ZNF84: variants seen among roughly 807,000 people sequenced by gnomAD.
ZNF84 encodes the protein zinc finger protein 84, also known as zinc finger protein HPF2.
A neutral mutation model predicts 14.8 loss-of-function variants in ZNF84; 12 were observed. The ratio of observed to expected loss-of-function variants is 0.81; its 90% CI spans 0.52 to 1.31. The LOEUF (loss-of-function observed/expected upper bound fraction) is 1.31. Among genes scored for constraint, ZNF84 ranks in the 50% most tolerant of loss-of-function variants. ZNF84 has a pLI of 0.00. For missense variants in ZNF84, 859 were observed against 878.6 expected (o/e 0.98, Z 0.28); for synonymous variants, 347 against 291.1 (o/e 1.19, Z -1.96).
intron 1 of ZNF84, 26 bp from the exon 2 acceptor site, chr12:133,041,252 C>T: frequency 1.8e-6 from 1 of 552,220 alleles, no homozygotes. Flanking sequence ...TGTGAATATA[C>T]CAGTTGAAGT....
chr12:133,039,852 ATT>A (rs55688719), intron 1 of ZNF84, among the ~76,000 whole-genome samples: 10 of 142,332 alleles, frequency 7.0e-5, no homozygotes, highest in Non-Finnish European at 7.7e-5. Context: ...GTTGGTTTGG[ATT>A]TTTTTTTTTT....
intron 2 of ZNF84, 62 bp downstream of exon 2, chr12:133,041,544 C>T (rs1046344216): frequency 1.7e-5 from 26 of 1,547,002 alleles, no homozygotes; most frequent in Non-Finnish European, 2.1e-5. Context: ...ATAAGCCTTC[C>T]GGTGAAAAAG....
chr12:133,052,481 A>C (rs1954088272), intron 4 of ZNF84, among the ~76,000 whole-genome samples: 1 of 152,132 alleles, frequency 6.6e-6, no homozygotes, highest in Non-Finnish European at 1.5e-5. Context: ...GGTGTGCAGC[A>C]CCACACCTGG....
In ZNF84 at chr12:133,063,190, G is replaced by T; in HGVS notation, c.*4258G>T. The stretch of plus-strand genomic sequence containing the variant: ...AGTCCCGATTGTGTTCCAGTACCTG[G>T]TTCTTCTGGTCTTCATGTTCAGGTC... On this transcript the variant is annotated 3_prime_UTR_variant, in exon 5 of 5. Coordinates refer to ENST00000539354, the MANE Select transcript of ZNF84 (RefSeq NM_001289971.2). 1 of 702,372 alleles carries T rather than the reference G, an allele frequency of 1.4e-6. No homozygotes were observed. Among genetic ancestry groups the T allele is most frequent in the Non-Finnish European group, 2.6e-6 (1 of 384,840 alleles). 43.5% of individuals were successfully genotyped at this position (702,372 alleles called of 1,614,324 possible).
Position 133,060,805 on chromosome 12 carries a change from A to T in ZNF84, c.*1873A>T, listed in dbSNP as rs1253133721. 1 of 152,220 alleles carries T rather than the reference A, an allele frequency of 6.6e-6. No individual in the cohort carries two copies. Among genetic ancestry groups the T allele is most frequent in the Non-Finnish European group, 1.5e-5 (1 of 68,036 alleles). 9.4% of individuals were successfully genotyped at this position (152,220 alleles called of 1,614,324 possible). A position where few individuals can be genotyped will look rare whatever the true frequency, so the allele number is the denominator to read the frequency against. On this transcript the variant is annotated 3_prime_UTR_variant, in exon 5 of 5. Transcript: ENST00000539354. The stretch of plus-strand genomic sequence containing the variant: ...TATATATTTCCATAAAAATGCATGA[A>T]CCATCCCTTAGCTAAGTAAGGATTT...
In ZNF84 at chr12:133,057,473, A is replaced by C; in HGVS notation, c.758A>C (p.His253Pro). 1 of 1,614,260 alleles carries C rather than the reference A, an allele frequency of 6.2e-7. No homozygotes were observed. The highest frequency in any genetic ancestry group is 8.5e-7 in the Non-Finnish European group (1 of 1,180,048). ...TFPQKSQFIT[H>P]HRTHTGEKPY... ...CCCCAGAAGTCTCAGTTTATTACAC[A>C]TCACAGAACTCATACAGGAGAAAAA... Residue 253 changes from histidine to proline, a missense_variant, in exon 5 of 5, where the codon CAT (histidine) becomes CCT (proline). His to Pro is a moderately conservative substitution (Grantham distance 77). Transcript: ENST00000539354.
At chr12:133,054,835 T>C (rs1358282900) in intron 4 of ZNF84, among the ~76,000 whole-genome samples, 1 of 152,156 alleles carries the variant, frequency 6.6e-6, no homozygotes, top group Non-Finnish European at 1.5e-5. Context: ...GTTTAATGGC[T>C]TAGAATAGTA....
chr12:133,049,317 G>A (rs1954035950), intron 4 of ZNF84, among the ~76,000 whole-genome samples: 1 of 151,852 alleles, frequency 6.6e-6, no homozygotes, highest in Non-Finnish European at 1.5e-5. Flanking sequence ...TTCAGTTTGG[G>A]TTCTCTGATG....
In ZNF84 at chr12:133,058,328, C is replaced by T. The variant is rs1273327758; in HGVS notation, c.1613C>T (p.Thr538Ile). ...SHLISHQRTH[T>I]GEKPYECSEC... ...CTCATATCACATCAGAGGACACATA[C>T]AGGGGAGAAACCCTATGAATGCAGT... Residue 538 changes from threonine to isoleucine, a missense_variant, in exon 5 of 5, where the codon ACA (threonine) becomes ATA (isoleucine). Physicochemically the swap from Thr to Ile is moderately conservative, Grantham distance 89. Coordinates refer to ENST00000539354, the MANE Select transcript of ZNF84 (RefSeq NM_001289971.2). 2 of 1,613,952 alleles carry T rather than the reference C, an allele frequency of 1.2e-6. No individual in the cohort carries two copies. The highest frequency in any genetic ancestry group is 1.7e-5 in the Admixed American group (1 of 60,000).
chr12:133,047,813 T>G (rs996268290), intron 2 of ZNF84, 142 bp from the exon 3 acceptor site: 4 of 857,882 alleles, frequency 4.7e-6, no homozygotes, highest in Non-Finnish European at 7.2e-6. Flanking sequence ...TGACATTTTA[T>G]CACACAAAAT....
intron 4 of ZNF84, among the ~76,000 whole-genome samples, chr12:133,054,574 G>C (rs1954119960): frequency 6.6e-6 from 1 of 150,726 alleles, no homozygotes; most frequent in African/African-American, 2.4e-5. Context: ...GAATAGTTTA[G>C]ATGAAAGATG....
At chr12:133,041,583 GA>G in intron 2 of ZNF84, 101 bp downstream of exon 2, 2 of 1,224,740 alleles carry the variant, frequency 1.6e-6, no homozygotes, top group Non-Finnish European at 1.2e-6. Context: ...GAAATCAGAG[GA>G]AAATAGCCTC....
rs937242014 is a variant in ZNF84 at position 133,062,691 on chromosome 12, A to C, written c.*3759A>C. On this transcript the variant is annotated 3_prime_UTR_variant, in exon 5 of 5. Transcript: ENST00000539354. ...ATGCAACCCTGATTTCACATGCCTCATGTTGAAATATCGTGTGGCTTATTG... is the reference window on the plus strand; with the variant it reads ...ATGCAACCCTGATTTCACATGCCTCCTGTTGAAATATCGTGTGGCTTATTG... The C allele has an allele frequency of 1.3e-4, 25 of 189,726 alleles. No homozygotes were observed. The highest frequency in any genetic ancestry group is 2.2e-4 in the Non-Finnish European group (20 of 90,180). 11.8% of individuals were successfully genotyped at this position (189,726 alleles called of 1,614,324 possible).
In ZNF84 at chr12:133,057,701, G is replaced by A; in HGVS notation, c.986G>A (p.Ser329Asn). The A allele has an allele frequency of 6.2e-7, 1 of 1,613,894 alleles. No homozygotes were observed. Among genetic ancestry groups the A allele is most frequent in the Non-Finnish European group, 8.5e-7 (1 of 1,179,984 alleles). ...TGCAATGAATGTGGGAGGGCCTTTA[G>A]TGAAAAGTCCAATCTCATTAACCAT... ...YGCNECGRAFSEKSNLINHQR... is the reference protein window; with the variant it reads ...YGCNECGRAFNEKSNLINHQR... The change falls in exon 5 of 5, where the codon AGT becomes AAT. Residue 329 changes from serine to asparagine, a missense_variant. Coordinates refer to ENST00000539354, the MANE Select transcript of ZNF84 (RefSeq NM_001289971.2).
chr12:133,044,281 A>G (rs1157373452), intron 2 of ZNF84, among the ~76,000 whole-genome samples: 2 of 151,620 alleles, frequency 1.3e-5, no homozygotes, highest in Non-Finnish European at 2.9e-5. Flanking sequence ...AGTAGATGGG[A>G]CTACAGGCAC....
At chr12:133,045,957 G>A (rs1953971785) in intron 2 of ZNF84, among the ~76,000 whole-genome samples, 1 of 27,508 alleles carries the variant, frequency 3.6e-5, no homozygotes, top group African/African-American at 7.5e-5. Context: ...GTCATTTTCT[G>A]TCTGTTCAAA....
Position 133,057,272 on chromosome 12 carries a change from A to G in ZNF84, c.557A>G (p.Lys186Arg). 6.2e-7 allele frequency: 1 copy of G among 1,613,756 alleles called. No homozygotes were observed. The highest frequency in any genetic ancestry group is 1.1e-5 in the South Asian group (1 of 90,972). The change falls in exon 5 of 5, where the codon AAA (lysine) becomes AGA (arginine). Residue 186 changes from lysine (K) to arginine (R), a missense_variant. Coordinates refer to ENST00000539354, the MANE Select transcript of ZNF84 (RefSeq NM_001289971.2). ...AAATACTATGACTGTGATAAATATA[A>G]AGAGAGCTATAAAAAGTCACAGATT... ...WLKYYDCDKY[K>R]ESYKKSQIII...
At position 133,051,164 on chromosome 12, in the gene ZNF84, TTG is replaced by T. The variant is rs1954062987; in HGVS notation, c.238+2318_238+2319del. ...GCAGATTTGTAATTTGAGAAACTTC[TTG>T]TTGTTTTTATGTGCCCTTTTTAGTT... On this transcript the variant is annotated intron_variant, in intron 4 of 4. Transcript: ENST00000539354. Among the ~76,000 whole-genome samples the T allele has an allele frequency of 2.6e-5, 4 of 152,054 alleles. No homozygotes were observed. In the South Asian group the frequency reaches 8.3e-4, roughly 32 times the overall value.
Position 133,058,387 on chromosome 12 carries a change from C to A in ZNF84, c.1672C>A (p.Leu558Ile). The A allele has an allele frequency of 6.2e-7, 1 of 1,614,030 alleles. No individual in the cohort carries two copies. The change falls in exon 5 of 5, where the codon CTT becomes ATT. Residue 558 changes from leucine (L) to isoleucine (I), a missense_variant. Transcript: ENST00000539354. The stretch of plus-strand genomic sequence containing the variant: ...GAAGGCCTTTGGTGAGAAGTCAAGT[C>A]TTGCAACTCATCAGAGAACTCATAC... ...CGKAFGEKSS[L>I]ATHQRTHTGE...
Sources: gnomAD v4.1 joint callset for allele counts (sites outside exome capture counted in the v4.1 genomes callset) on GRCh38, gnomAD v4.1.1 for gene constraint, MANE v1.5 for transcripts, NCBI Gene and HGNC (gene_info 2026-07-23, HGNC 2026-07-21) for gene names.